The following CACNA1B variants were observed in gnomAD, a reference collection of about 807,000 sequenced individuals.
CACNA1B encodes voltage-dependent N-type calcium channel subunit alpha-1B.
In CACNA1B, 70 loss-of-function variants were observed where a neutral mutation model predicts 247.2. That is an observed-to-expected ratio of 0.28 (90% CI 0.23 to 0.35). CACNA1B has a LOEUF of 0.35. Among genes scored for constraint, CACNA1B ranks in the 10% least tolerant of loss-of-function variants. CACNA1B has a pLI of 1.00. For missense variants in CACNA1B, 2,367 were observed against 3,197.4 expected (o/e 0.74, Z 6.26); for synonymous variants, 1,231 against 1,294.4 (o/e 0.95, Z 1.05).
At position 138,023,044 on chromosome 9, in the gene CACNA1B, G is replaced by A; in HGVS notation, c.2301G>A (p.Val767=). The change falls in exon 19 of 47, where the codon GTG becomes GTA. Residue 767 remains valine (V), a synonymous_variant. Coordinates refer to ENST00000371372, the MANE Select transcript of CACNA1B (RefSeq NM_000718.4). Reference sequence around the variant, plus strand: ...AGAACTCGGCCAAGGCGCGCTCGGTGTGGGAGCAGCGGGCCAGCCAGCTAC... The same window carrying A: ...AGAACTCGGCCAAGGCGCGCTCGGTATGGGAGCAGCGGGCCAGCCAGCTAC... ...RQQNSAKARS[V]WEQRASQLRL... The A allele has an allele frequency of 1.3e-6, 2 of 1,527,346 alleles. No homozygotes were observed. Among genetic ancestry groups the A allele is most frequent in the Non-Finnish European group, 1.7e-6 (2 of 1,143,892 alleles). 94.6% of individuals were successfully genotyped at this position (1,527,346 alleles called of 1,614,324 possible).
chr9:137,882,717 G>T lies in CACNA1B; in HGVS notation c.391-27G>T, dbSNP rs1369400403. The T allele has an allele frequency of 3.7e-6, 6 of 1,613,624 alleles. No individual in the cohort carries two copies. The East Asian group carries it at 8.9e-5, about 24-fold the overall frequency. On this transcript the variant is annotated intron_variant, in intron 2 of 46. Coordinates refer to ENST00000371372, the MANE Select transcript of CACNA1B (RefSeq NM_000718.4). This position sits in a 1 kb window ranked among gnomAD's most constrained non-coding sequence, Gnocchi z 4.0. Reference sequence around the variant, plus strand: ...CTACTACACCGGGTAGGGGCCAGGGGTGACCACTGTTCTGCGCTTCTCCTA... The same window carrying T: ...CTACTACACCGGGTAGGGGCCAGGGTTGACCACTGTTCTGCGCTTCTCCTA...
intron 15 of CACNA1B, among the ~76,000 whole-genome samples, chr9:137,994,023 G>A (rs538852742): frequency 2.5e-4 from 38 of 152,000 alleles, no homozygotes; most frequent in African/African-American, 8.9e-4. Context: ...TTCATATCAG[G>A]GATGCAGGGA....
intron 20 of CACNA1B, among the ~76,000 whole-genome samples, chr9:138,028,105 C>G (rs1958944253): frequency 2.1e-5 from 3 of 141,222 alleles, no homozygotes; most frequent in Non-Finnish European, 3.0e-5. Context: ...ACGGTCTCGG[C>G]TCTGCCTCCC....
At position 138,043,609 on chromosome 9, in the gene CACNA1B, G is replaced by A. The variant is rs547367820; in HGVS notation, c.3287-165G>A. On this transcript the variant is annotated intron_variant, in intron 20 of 46. Transcript: ENST00000371372. ...CAGATGGTGGTCCTGGCTGTCGTGCGCCACGGTCATGTACGTGAAGCACTG... is the reference window on the plus strand; with the variant it reads ...CAGATGGTGGTCCTGGCTGTCGTGCACCACGGTCATGTACGTGAAGCACTG... 3.3e-4 allele frequency among the ~76,000 whole-genome samples: 50 copies of A among 152,262 alleles called. No homozygotes were observed. The East Asian group carries it at 4.8e-3, about 15-fold the overall frequency.
At position 138,123,496 on chromosome 9, in the gene CACNA1B, C is replaced by T. The variant is rs199869296; in HGVS notation, c.*1497C>T. 1 of 152,288 alleles carries T rather than the reference C, an allele frequency of 6.6e-6. No individual in the cohort carries two copies. Among genetic ancestry groups the T allele is most frequent in the Non-Finnish European group, 1.5e-5 (1 of 68,154 alleles). The allele number at this position is 152,288 out of a possible 1,614,324, so 9.4% of individuals were successfully genotyped here. Reference sequence around the variant, plus strand: ...GGTGTGTCCTCCGTGTTCTGAAATTCCAGATGATCTGTGTTGGATTCTTGG... The same window carrying T: ...GGTGTGTCCTCCGTGTTCTGAAATTTCAGATGATCTGTGTTGGATTCTTGG... On this transcript the variant is annotated 3_prime_UTR_variant, in exon 47 of 47. Coordinates refer to ENST00000371372, the MANE Select transcript of CACNA1B (RefSeq NM_000718.4).
At chr9:137,892,722 C>T (rs1013188319) in intron 3 of CACNA1B, among the ~76,000 whole-genome samples, 6 of 152,216 alleles carry the variant, frequency 3.9e-5, no homozygotes, top group Non-Finnish European at 5.9e-5. Context: ...CTCTGCCTGC[C>T]GGTCCCACCC....
intron 3 of CACNA1B, among the ~76,000 whole-genome samples, chr9:137,883,863 C>G (rs527275333): frequency 1.3e-5 from 2 of 151,636 alleles, no homozygotes; most frequent in East Asian, 3.9e-4. Context: ...GCCCCATCCT[C>G]ACCCAGTGAC....
chr9:137,918,764 G>C (rs917293486), intron 6 of CACNA1B, among the ~76,000 whole-genome samples: 1 of 152,182 alleles, frequency 6.6e-6, no homozygotes, highest in Admixed American at 6.5e-5. Context: ...TATTGAGCTC[G>C]TTTATCAAGC....
At chr9:137,884,963 C>CCG (rs1440419959) in intron 3 of CACNA1B, among the ~76,000 whole-genome samples, 6 of 107,016 alleles carry the variant, frequency 5.6e-5, no homozygotes, top group South Asian at 3.3e-4. Context: ...CTCTTCCCCC[C>CCG]CCCCCTCCTC....
At chr9:138,035,813 G>T (rs747240853) in intron 20 of CACNA1B, among the ~76,000 whole-genome samples, 1 of 152,170 alleles carries the variant, frequency 6.6e-6, no homozygotes, top group Non-Finnish European at 1.5e-5. Context: ...CTCAGCTCAT[G>T]ACATTGAGCT....
chr9:138,003,654 A>G (rs923633373), intron 15 of CACNA1B, among the ~76,000 whole-genome samples: 3 of 152,174 alleles, frequency 2.0e-5, no homozygotes, highest in African/African-American at 7.2e-5. Context: ...TACATAAGCA[A>G]GTCTCAAAAG....
At chr9:138,062,788 G>A (rs1050135583) in intron 31 of CACNA1B, among the ~76,000 whole-genome samples, 1 of 152,204 alleles carries the variant, frequency 6.6e-6, no homozygotes, top group African/African-American at 2.4e-5. Flanking sequence ...CCAAGTGGCA[G>A]GGCCACTGCT....
At chr9:138,104,368 G>C (rs955886137) in intron 38 of CACNA1B, among the ~76,000 whole-genome samples, 14 of 152,082 alleles carry the variant, frequency 9.2e-5, no homozygotes, top group Non-Finnish European at 1.3e-4. Flanking sequence ...TGCCCTCACT[G>C]CTATCCCCAA....
At chr9:137,926,068 C>CTTTTT (rs71387875) in intron 6 of CACNA1B, among the ~76,000 whole-genome samples, 6 of 105,192 alleles carry the variant, frequency 5.7e-5, no homozygotes, top group Admixed American at 1.1e-4. Context: ...TTTTTCCTTT[C>CTTTTT]TTTTTTTTTT....
intron 6 of CACNA1B, among the ~76,000 whole-genome samples, chr9:137,932,331 T>C (rs1957617263): frequency 6.6e-6 from 1 of 152,164 alleles, no homozygotes; most frequent in South Asian, 2.1e-4. Flanking sequence ...TAGTGAAGAA[T>C]TGGTTGTTGG....
At chr9:137,922,423 C>T (rs946942625) in intron 6 of CACNA1B, among the ~76,000 whole-genome samples, 10 of 152,154 alleles carry the variant, frequency 6.6e-5, no homozygotes, top group Non-Finnish European at 1.2e-4. Context: ...CAGAGTAAAG[C>T]GTTCGGAGAA....
intron 31 of CACNA1B, among the ~76,000 whole-genome samples, chr9:138,066,786 A>G (rs1438865836): frequency 6.6e-6 from 1 of 152,208 alleles, no homozygotes. Context: ...ATATTAGAAA[A>G]AGAAAACGGT....
intron 3 of CACNA1B, among the ~76,000 whole-genome samples, chr9:137,894,757 C>G (rs1307235566): frequency 1.3e-5 from 2 of 152,064 alleles, no homozygotes; most frequent in Admixed American, 6.6e-5. Flanking sequence ...TGCTCATATT[C>G]CAGTTGGATT....
intron 15 of CACNA1B, among the ~76,000 whole-genome samples, chr9:138,002,109 A>G (rs917236008): frequency 6.6e-6 from 1 of 152,240 alleles, no homozygotes; most frequent in Non-Finnish European, 1.5e-5. Context: ...TTGTCCTACC[A>G]TATATCATGA....
Sources: gnomAD v4.1 joint callset for allele counts (sites outside exome capture counted in the v4.1 genomes callset) on GRCh38, gnomAD v4.1.1 for gene constraint, Gnocchi (gnomAD v3.1) non-coding constraint, MANE v1.5 for transcripts, NCBI Gene and HGNC (gene_info 2026-07-23, HGNC 2026-07-21) for gene names.